GABRB3: variants seen among roughly 807,000 people sequenced by gnomAD.
GABRB3 encodes gamma-aminobutyric acid type A receptor subunit beta3.
In GABRB3, 14 loss-of-function variants were observed where a neutral mutation model predicts 52.1. The observed-to-expected ratio is 0.27, with a 90% CI of 0.18 to 0.42. The LOEUF is 0.42. GABRB3 is among the 10% of genes least tolerant of loss of function. The pLI, the probability that GABRB3 is intolerant of heterozygous loss-of-function variation, is 1.00. For missense variants in GABRB3, 307 were observed against 609.1 expected, an observed-to-expected ratio of 0.50 and a Z score of 5.22; for synonymous variants, 260 against 232.3, an observed-to-expected ratio of 1.12 and a Z score of -1.08.
rs1567097873 is a variant in GABRB3 at position 26,554,191 on chromosome 15, C to CATATATATATATATATATA, written c.1081-6058_1081-6057insTATATATATATATATATAT. Among the ~76,000 whole-genome samples, 8 of 15,572 alleles carry CATATATATATATATATATA rather than the reference C, an allele frequency of 5.1e-4. 1 individual carries two copies. The highest frequency in any genetic ancestry group is 1.2e-3 in the African/African-American group (8 of 6,482). 10.2% of individuals were successfully genotyped at this position (15,572 alleles called of 152,430 possible). On this transcript the variant is annotated intron_variant, in intron 8 of 8. Transcript: ENST00000311550. The stretch of plus-strand genomic sequence containing the variant: ...TATATATAAAGTATATATATATATA[C>CATATATATATATATATATA]TATATATATATATATATAGTAGAAA...
intron 3 of GABRB3, among the ~76,000 whole-genome samples, chr15:26,756,023 C>T (rs1890649675): frequency 6.6e-6 from 1 of 151,968 alleles, no homozygotes; most frequent in African/African-American, 2.4e-5. Context: ...TATAAAGTTA[C>T]ATGTAAAAGT....
intron 3 of GABRB3, chr15:26,629,161 G>A (rs966589665): frequency 4.7e-6 from 7 of 1,499,744 alleles, no homozygotes; most frequent in African/African-American, 1.4e-5. Context: ...GCGGAGTGTG[G>A]GGAGAAGCAG....
At chr15:26,768,472 C>T (rs1156881998) in intron 3 of GABRB3, among the ~76,000 whole-genome samples, 1 of 151,692 alleles carries the variant, frequency 6.6e-6, no homozygotes, top group Non-Finnish European at 1.5e-5. Flanking sequence ...ATTAAAAATC[C>T]CTAATTGTTT....
intron 4 of GABRB3, among the ~76,000 whole-genome samples, chr15:26,610,581 GCTCT>G (rs1408871965): frequency 1.3e-5 from 2 of 152,106 alleles, no homozygotes; most frequent in African/African-American, 4.8e-5. Flanking sequence ...AGAAGTTTGG[GCTCT>G]CTATGGACCT....
intron 3 of GABRB3, among the ~76,000 whole-genome samples, chr15:26,767,816 A>G (rs1394922528): frequency 6.6e-6 from 1 of 152,156 alleles, no homozygotes; most frequent in East Asian, 1.9e-4. Context: ...CTCTAACCCT[A>G]GCTCACTCTA....
chr15:26,648,523 T>A (rs1013702025), intron 3 of GABRB3, among the ~76,000 whole-genome samples: 1 of 151,962 alleles, frequency 6.6e-6, no homozygotes. Context: ...AACCTTATGA[T>A]CCCGAAGAAA....
At chr15:26,732,575 T>G (rs1015939728) in intron 3 of GABRB3, among the ~76,000 whole-genome samples, 15 of 151,966 alleles carry the variant, frequency 9.9e-5, no homozygotes, top group Non-Finnish European at 1.9e-4. Context: ...AAAAAAATTT[T>G]TTTTTTTTTT....
At chr15:26,705,211 G>T (rs1889060323) in intron 3 of GABRB3, among the ~76,000 whole-genome samples, 1 of 152,182 alleles carries the variant, frequency 6.6e-6, no homozygotes, top group Non-Finnish European at 1.5e-5. Flanking sequence ...GGGCTTTCCT[G>T]CTGTGTCCTC....
rs1239593706 is a variant in GABRB3 at position 26,545,969 on chromosome 15, T to C, written c.*1824A>G. ...GCAGATGCCCACAAATTAAAGGTTG[T>C]TACGGCCACCAAAGAAAAATCAAGT... On this transcript the variant is annotated 3_prime_UTR_variant, in exon 9 of 9. Coordinates refer to ENST00000311550, the MANE Select transcript of GABRB3 (RefSeq NM_000814.6). The C allele has an allele frequency of 1.3e-5, 2 of 152,622 alleles. No individual in the cohort carries two copies. Among genetic ancestry groups the C allele is most frequent in the Non-Finnish European group, 2.9e-5 (2 of 68,050 alleles). 9.5% of individuals were successfully genotyped at this position (152,622 alleles called of 1,614,324 possible). A position where few individuals can be genotyped will look rare whatever the true frequency, so the allele number is the denominator to read the frequency against.
chr15:26,714,224 G>A (rs1186894839), intron 3 of GABRB3, among the ~76,000 whole-genome samples: 22 of 152,212 alleles, frequency 1.4e-4, no homozygotes, highest in Admixed American at 1.4e-3. Context: ...GTCGGTGTGA[G>A]GATGTAGTGA....
intron 3 of GABRB3, among the ~76,000 whole-genome samples, chr15:26,720,152 C>T (rs993467546): frequency 1.3e-5 from 2 of 151,802 alleles, no homozygotes; most frequent in Admixed American, 1.3e-4. Context: ...CACTCCTGCC[C>T]GCCAGAGAAC....
chr15:26,770,817 ATTAAC>A (rs1423624835), intron 3 of GABRB3, among the ~76,000 whole-genome samples: 1 of 152,042 alleles, frequency 6.6e-6, no homozygotes, highest in East Asian at 1.9e-4. Context: ...TCTTAAATGT[ATTAAC>A]TTGTTTCCTT....
chr15:26,628,686 AAAAC>A (rs1317102440), intron 3 of GABRB3, among the ~76,000 whole-genome samples: 5 of 145,712 alleles, frequency 3.4e-5, no homozygotes, highest in African/African-American at 9.8e-5. Flanking sequence ...AAAAAACAAA[AAAAC>A]AAAAAAACAA....
intron 3 of GABRB3, among the ~76,000 whole-genome samples, chr15:26,674,244 A>C (rs1348006634): frequency 1.3e-5 from 2 of 151,600 alleles, no homozygotes; most frequent in African/African-American, 4.9e-5. Flanking sequence ...TCTACTAAAA[A>C]TACAAAATTT....
intron 6 of GABRB3, among the ~76,000 whole-genome samples, chr15:26,578,566 G>T (rs1028879572): frequency 6.6e-6 from 1 of 152,226 alleles, no homozygotes; most frequent in African/African-American, 2.4e-5. Context: ...GTGGATTCAG[G>T]AAGTCATTCT....
chr15:26,763,287 AT>A (rs1890870261), intron 3 of GABRB3, among the ~76,000 whole-genome samples: 2 of 152,004 alleles, frequency 1.3e-5, no homozygotes, highest in South Asian at 4.1e-4. Flanking sequence ...GTTCACAGGG[AT>A]CTTCATGTTT....
intron 6 of GABRB3, among the ~76,000 whole-genome samples, chr15:26,569,876 C>T (rs533473281): frequency 7.9e-5 from 12 of 152,272 alleles, no homozygotes; most frequent in African/African-American, 2.6e-4. Context: ...TTGAATACTT[C>T]CTAAATGTTT....
intron 3 of GABRB3, among the ~76,000 whole-genome samples, chr15:26,706,757 C>A (rs1406081778): frequency 6.6e-6 from 1 of 152,156 alleles, no homozygotes; most frequent in Non-Finnish European, 1.5e-5. Flanking sequence ...ATTCATTTAT[C>A]CATGTGTTCA....
intron 8 of GABRB3, among the ~76,000 whole-genome samples, chr15:26,560,338 A>G (rs1306072946): frequency 6.6e-6 from 1 of 152,218 alleles, no homozygotes. Flanking sequence ...TGGAGAATTC[A>G]GAAAGGGCAA....
Sources: allele counts gnomAD v4.1 joint callset (sites outside exome capture counted in the v4.1 genomes callset), GRCh38; gene constraint gnomAD v4.1.1; transcripts MANE v1.5; gene names NCBI Gene and HGNC (gene_info 2026-07-23, HGNC 2026-07-21).